Variants in ADGRB3 observed in about 807,000 individuals in gnomAD.
The protein encoded by ADGRB3 is adhesion G protein-coupled receptor B3.
ADGRB3 carries 37 observed loss-of-function variants against 193.4 expected under a neutral mutation model. The ratio of observed to expected loss-of-function variants is 0.19; its 90% CI spans 0.15 to 0.25. The LOEUF is 0.25. ADGRB3 is among the 10% of genes least tolerant of loss of function. The pLI is 1.00. For missense variants in ADGRB3, 1,637 were observed against 1,852.9 expected (o/e 0.88, Z 2.14); for synonymous variants, 690 against 644.2 (o/e 1.07, Z -1.08).
At chr6:68,708,999 C>T (rs1039020571) in intron 3 of ADGRB3, among the ~76,000 whole-genome samples, 24 of 152,082 alleles carry the variant, frequency 1.6e-4, no homozygotes, top group Admixed American at 1.6e-3. Flanking sequence ...ATGCATTTCT[C>T]ATGCAGTCTT....
chr6:69,104,220 T>C (rs1363618281), intron 17 of ADGRB3, among the ~76,000 whole-genome samples: 1 of 131,894 alleles, frequency 7.6e-6, no homozygotes, highest in Non-Finnish European at 1.5e-5. Context: ...CAGAGTGTGA[T>C]GTTCCCCTTC....
rs1032075249 is a variant in ADGRB3, at chr6:69,211,097, G to A, written c.2481-22193G>A. Among the ~76,000 whole-genome samples the A allele has an allele frequency of 7.2e-5, 11 of 152,340 alleles. No homozygotes were observed. The East Asian group carries it at 1.7e-3, about 24-fold the overall frequency. On this transcript the variant is annotated intron_variant, in intron 17 of 31. Coordinates refer to ENST00000370598, the MANE Select transcript of ADGRB3 (RefSeq NM_001704.3). ...AGATCACGCCACTGCACTCCAGCCT[G>A]GGCGAGAGAGAGAGACTCCGTCTCA... is the stretch of plus-strand genomic sequence containing the variant.
chr6:69,115,501 C>G (rs993291418), intron 17 of ADGRB3, among the ~76,000 whole-genome samples: 8 of 152,128 alleles, frequency 5.3e-5, no homozygotes, highest in African/African-American at 1.9e-4. Flanking sequence ...ATGTAGATGA[C>G]AGGTTGATGG....
intron 3 of ADGRB3, among the ~76,000 whole-genome samples, chr6:68,815,628 T>G (rs997255769): frequency 6.1e-5 from 9 of 148,004 alleles, no homozygotes; most frequent in African/African-American, 2.2e-4. Context: ...TGTGTGTGTG[T>G]GTGTGTGTGT....
intron 31 of ADGRB3, among the ~76,000 whole-genome samples, chr6:69,388,035 T>C (rs1770111110): frequency 6.6e-6 from 1 of 152,108 alleles, no homozygotes; most frequent in South Asian, 2.1e-4. Context: ...GAAATATCTT[T>C]CAAACTTTAT....
intron 3 of ADGRB3, among the ~76,000 whole-genome samples, chr6:68,650,669 C>A (rs1768341906): frequency 6.6e-6 from 1 of 152,130 alleles, no homozygotes; most frequent in South Asian, 2.1e-4. Context: ...AAACAAAACA[C>A]ATACACAAAA....
rs1331430116 is a variant in ADGRB3 at position 69,314,637 on chromosome 6, T to C, written c.2815-10235T>C. ...GTTTTCAAGAAAGAACTAAAATCCA[T>C]CATATCTTTTCTACTGATATTTTCC... On this transcript the variant is annotated intron_variant, in intron 20 of 31. Coordinates refer to ENST00000370598, the MANE Select transcript of ADGRB3 (RefSeq NM_001704.3). Among the ~76,000 whole-genome samples, 4 of 151,578 alleles carry C rather than the reference T, an allele frequency of 2.6e-5. No homozygotes were observed. In the East Asian group the frequency reaches 5.8e-4, roughly 22 times the overall value.
chr6:68,860,169 A>G (rs940003072), intron 3 of ADGRB3, among the ~76,000 whole-genome samples: 2 of 152,166 alleles, frequency 1.3e-5, no homozygotes, highest in African/African-American at 2.4e-5. Context: ...CTATATATGC[A>G]TAAAAAGAAA....
intron 3 of ADGRB3, among the ~76,000 whole-genome samples, chr6:68,766,644 T>C (rs1212916291): frequency 2.0e-5 from 3 of 152,058 alleles, no homozygotes; most frequent in Admixed American, 1.3e-4. Flanking sequence ...AACATTTCCT[T>C]AAAAACTATT....
At chr6:69,106,029 G>C (rs191289950) in intron 17 of ADGRB3, among the ~76,000 whole-genome samples, 14 of 151,814 alleles carry the variant, frequency 9.2e-5, no homozygotes, top group South Asian at 8.3e-4. Context: ...TGAGCTACTC[G>C]GGAGGCTGAG....
intron 3 of ADGRB3, among the ~76,000 whole-genome samples, chr6:68,764,986 T>C (rs1408647000): frequency 6.6e-6 from 1 of 152,204 alleles, no homozygotes; most frequent in African/African-American, 2.4e-5. Context: ...TGGTAACTGC[T>C]GATATAATGT....
At chr6:69,202,471 C>T (rs560270792) in intron 17 of ADGRB3, among the ~76,000 whole-genome samples, 51 of 151,564 alleles carry the variant, frequency 3.4e-4, no homozygotes, top group Non-Finnish European at 5.0e-4. Flanking sequence ...GAGAGAGAGA[C>T]GGAGAGAGAG....
intron 20 of ADGRB3, among the ~76,000 whole-genome samples, chr6:69,278,379 G>C (rs1767347872): frequency 6.6e-6 from 1 of 152,204 alleles, no homozygotes; most frequent in South Asian, 2.1e-4. Flanking sequence ...AGTGAGCCCT[G>C]ATAACTCCTT....
chr6:69,209,995 A>G (rs1765622644), intron 17 of ADGRB3, among the ~76,000 whole-genome samples: 1 of 150,966 alleles, frequency 6.6e-6, no homozygotes. Flanking sequence ...CCCAAAACCA[A>G]TGAAAGAACT....
intron 3 of ADGRB3, among the ~76,000 whole-genome samples, chr6:68,655,328 G>T (rs1768466757): frequency 1.3e-5 from 2 of 151,538 alleles, no homozygotes; most frequent in South Asian, 4.1e-4. Context: ...TCTGTTTTCT[G>T]TGAAGTGGTG....
intron 26 of ADGRB3, among the ~76,000 whole-genome samples, chr6:69,348,489 A>C (rs1769154454): frequency 1.7e-5 from 2 of 119,124 alleles, no homozygotes; most frequent in South Asian, 4.9e-4. Context: ...TTTACTAAAA[A>C]ATGCAAAAAA....
chr6:68,728,954 T>G lies in ADGRB3; in HGVS notation c.757+89522T>G, dbSNP rs186274330. Among the ~76,000 whole-genome samples, 6 of 151,760 alleles carry G rather than the reference T, an allele frequency of 4.0e-5. No homozygotes were observed. In the East Asian group the frequency reaches 1.2e-3, roughly 30 times the overall value. Reference sequence around the variant, plus strand: ...AAAATTCTTCAATGTGATTTTTTTTTTATTTAGAAGCATACATATACCTTT... The same window carrying G: ...AAAATTCTTCAATGTGATTTTTTTTGTATTTAGAAGCATACATATACCTTT... On this transcript the variant is annotated intron_variant, in intron 3 of 31. Coordinates refer to ENST00000370598, the MANE Select transcript of ADGRB3 (RefSeq NM_001704.3).
intron 17 of ADGRB3, among the ~76,000 whole-genome samples, chr6:69,120,999 C>CTTTTTTTTTTTTTT (rs36095516): frequency 8.1e-6 from 1 of 123,562 alleles, no homozygotes; most frequent in Admixed American, 8.4e-5. Context: ...ATGCAGTTAT[C>CTTTTTTTTTTTTTT]TTTTTTTTTT....
intron 30 of ADGRB3, among the ~76,000 whole-genome samples, chr6:69,374,327 G>A (rs1769768366): frequency 6.6e-6 from 1 of 151,956 alleles, no homozygotes. Flanking sequence ...ATATTTTGTG[G>A]GTGGTTCTTG....
Sources: gnomAD v4.1 joint callset for allele counts (sites outside exome capture counted in the v4.1 genomes callset) on GRCh38, gnomAD v4.1.1 for gene constraint, MANE v1.5 for transcripts, NCBI Gene and HGNC (gene_info 2026-07-23, HGNC 2026-07-21) for gene names.